MRPL21: variants seen among roughly 807,000 people sequenced by gnomAD.
MRPL21 encodes large ribosomal subunit protein bL21m.
MRPL21 carries 20 observed loss-of-function variants against 27.3 expected under a neutral mutation model. The ratio of observed to expected loss-of-function variants is 0.73; its 90% CI spans 0.52 to 1.06. MRPL21 has a LOEUF of 1.06. Among genes scored for constraint, MRPL21 ranks in the 50% least tolerant of loss-of-function variants. The pLI is 0.00. For synonymous variants in MRPL21, 98 were observed against 101.5 expected, an observed-to-expected ratio of 0.97 and a Z score of 0.21; for missense variants, 249 against 251.4, an observed-to-expected ratio of 0.99 and a Z score of 0.06.
chr11:68,892,812 G>GC lies in MRPL21; in HGVS notation c.553+77dup, dbSNP rs1452787976. ...GGGCTTCCTGTCCCGAGACCCACGTGCCCCACACCCTCCGTCCGCATGCGC... is the reference window on the plus strand; with the variant it reads ...GGGCTTCCTGTCCCGAGACCCACGTGCCCCCACACCCTCCGTCCGCATGCGC... On this transcript the variant is annotated intron_variant, in intron 6 of 6. Coordinates refer to ENST00000362034, the MANE Select transcript of MRPL21 (RefSeq NM_181514.2). The GC allele has an allele frequency of 3.2e-6, 5 of 1,566,112 alleles. No individual in the cohort carries two copies. In the Admixed American group the frequency reaches 9.6e-5, roughly 30 times the overall value.
intron 4 of MRPL21, among the ~76,000 whole-genome samples, chr11:68,894,441 C>T (rs1297812676): frequency 1.3e-5 from 2 of 152,158 alleles, no homozygotes; most frequent in Non-Finnish European, 1.5e-5. Flanking sequence ...CCACAAACCC[C>T]GGCTAATTTT....
In MRPL21 at chr11:68,894,916, A is replaced by G. The variant is rs117099206; in HGVS notation, c.397-1461T>C. On this transcript the variant is annotated intron_variant, in intron 4 of 6. Transcript: ENST00000362034. The stretch of plus-strand genomic sequence containing the variant: ...AAAGAAAACCATGTAACTTATATTG[A>G]TAATTAAGCATCCCAGAAAAATTAC... Among the ~76,000 whole-genome samples, 1,263 of 152,314 alleles carry G rather than the reference A, an allele frequency of 8.3e-3. 13 individuals carry two copies. Among genetic ancestry groups the G allele is most frequent in the South Asian group, 0.03 (145 of 4,826 alleles).
chr11:68,897,599 G>A (rs1857829045), intron 3 of MRPL21: 5 of 339,500 alleles, frequency 1.5e-5, no homozygotes, highest in Non-Finnish European at 2.7e-5. Context: ...GGTGGCACCG[G>A]CTTCCAGTAA....
At chr11:68,897,570 A>T (rs1857828004) in intron 3 of MRPL21, 1 of 290,818 alleles carries the variant, frequency 3.4e-6, no homozygotes, top group Non-Finnish European at 6.5e-6. Context: ...ATACCTCTGC[A>T]TGTTTCTCCA....
rs750734884 is a variant in MRPL21, at chr11:68,897,882, G to A, written c.232+45C>T. The A allele has an allele frequency of 1.2e-5, 17 of 1,455,998 alleles. No homozygotes were observed. The South Asian group carries it at 1.7e-4, about 15-fold the overall frequency. 90.2% of individuals were successfully genotyped at this position (1,455,998 alleles called of 1,614,324 possible). ...AACCTCTGTGGCTGACTGGAGCAGG[G>A]TCTAGGTGGTGCCCTCTAGCTTCTG... On this transcript the variant is annotated intron_variant, in intron 3 of 6. Transcript: ENST00000362034.
chr11:68,900,169 A>C (rs1441597533), intron 2 of MRPL21, among the ~76,000 whole-genome samples: 2 of 152,218 alleles, frequency 1.3e-5, no homozygotes, highest in African/African-American at 2.4e-5. Context: ...TCTGATACAA[A>C]CTTCCTCATC....
At chr11:68,900,060 G>A (rs192300568) in intron 2 of MRPL21, among the ~76,000 whole-genome samples, 3 of 152,302 alleles carry the variant, frequency 2.0e-5, no homozygotes, top group East Asian at 3.9e-4. Context: ...GAACTTTGTC[G>A]AATGTTTTCT....
chr11:68,903,805 T>G lies in MRPL21; in HGVS notation c.6A>C (p.Ala2=). The G allele has an allele frequency of 4.7e-6, 6 of 1,275,714 alleles. No individual in the cohort carries two copies. Among genetic ancestry groups the G allele is most frequent in the Non-Finnish European group, 5.4e-6 (5 of 926,680 alleles). The allele number at this position is 1,275,714 out of a possible 1,614,324, so 79.0% of individuals were successfully genotyped here. ...CTAAGGTGACCGTCAGGGAAGATGC[T>G]GCCATGGCCGCAGCCTCGGCCGGAA... M[A]ASSLTVTLGR... The change falls in exon 1 of 7, where the codon GCA becomes GCC. Residue 2 remains alanine (A), a synonymous_variant. Transcript: ENST00000362034.
At chr11:68,892,684 G>A (rs918901737) in intron 6 of MRPL21, 49 of 1,508,398 alleles carry the variant, frequency 3.2e-5, no homozygotes, top group Middle Eastern at 1.9e-4. Context: ...GTGGGGTCAC[G>A]CGTGGAGCGT....
At chr11:68,902,415 G>T (rs118122654) in intron 1 of MRPL21, among the ~76,000 whole-genome samples, 1 of 152,348 alleles carries the variant, frequency 6.6e-6, no homozygotes, top group East Asian at 1.9e-4. Flanking sequence ...AGGTTCAACA[G>T]TTACCAACTC....
rs368432613 is a variant in MRPL21, at chr11:68,898,025, T to C, written c.147-13A>G. On this transcript the variant is annotated splice_polypyrimidine_tract_variant and intron_variant, in intron 2 of 6. Transcript: ENST00000362034. Reference sequence around the variant, plus strand: ...TTTAGGAACATATCTGTAAAACACATTTCGTAGACAAATGTCACAAGCACC... The same window carrying C: ...TTTAGGAACATATCTGTAAAACACACTTCGTAGACAAATGTCACAAGCACC... 6.2e-7 allele frequency: 1 copy of C among 1,607,186 alleles called. No individual in the cohort carries two copies. Among genetic ancestry groups the C allele is most frequent in the Admixed American group, 1.7e-5 (1 of 59,974 alleles).
At chr11:68,891,608 C>T (rs1261441013) in intron 6 of MRPL21, 4 of 605,988 alleles carry the variant, frequency 6.6e-6, no homozygotes, top group Non-Finnish European at 1.2e-5. Flanking sequence ...CACCAGACGC[C>T]TCATGGCCAG....
intron 1 of MRPL21, among the ~76,000 whole-genome samples, chr11:68,902,240 A>T (rs992835865): frequency 6.6e-6 from 1 of 152,212 alleles, no homozygotes; most frequent in Admixed American, 6.5e-5. Context: ...GTACTTGAAC[A>T]TAGCATTGGA....
intron 4 of MRPL21, among the ~76,000 whole-genome samples, chr11:68,895,614 C>A (rs577883740): frequency 9.9e-5 from 15 of 152,142 alleles, no homozygotes; most frequent in Non-Finnish European, 1.9e-4. Context: ...TGCGCCATTG[C>A]ACTCCAGCCT....
intron 3 of MRPL21, chr11:68,897,687 C>T: frequency 1.8e-6 from 1 of 559,696 alleles, no homozygotes; most frequent in South Asian, 2.3e-5. Flanking sequence ...GCAGGGGCCC[C>T]CTGCCCTCAA....
rs751330905 is a variant in MRPL21 at position 68,893,426 on chromosome 11, C to T, written c.426G>A (p.Thr142=). The change falls in exon 5 of 7, where the codon ACG becomes ACA. Residue 142 remains threonine, a synonymous_variant. Coordinates refer to ENST00000362034, the MANE Select transcript of MRPL21 (RefSeq NM_181514.2). ...KVLLVGADNF[T]LLGKPLLGKD... ...ACCCGAGGAGTGGCTTGCCAAGCAG[C>T]GTGAAGTTGTCTGCCCCAACCAGCA... 11 of 1,614,006 alleles carry T rather than the reference C, an allele frequency of 6.8e-6. No homozygotes were observed. Among genetic ancestry groups the T allele is most frequent in the Admixed American group, 3.3e-5 (2 of 59,984 alleles).
intron 3 of MRPL21, 112 bp downstream of exon 3, chr11:68,897,815 G>T: frequency 1.3e-6 from 1 of 756,852 alleles, no homozygotes; most frequent in South Asian, 1.5e-5. Context: ...CTGTGTCTGG[G>T]AGCATCTGGA....
At position 68,892,653 on chromosome 11, in the gene MRPL21, G is replaced by A. The variant is rs571274705; in HGVS notation, c.553+237C>T. On this transcript the variant is annotated intron_variant, in intron 6 of 6. Coordinates refer to ENST00000362034, the MANE Select transcript of MRPL21 (RefSeq NM_181514.2). ...AGCGAGGTGGGGTCACGTGCGGAGCGTGGAGGAGAAGGGGAGCGAGGTGGG... is the reference window on the plus strand; with the variant it reads ...AGCGAGGTGGGGTCACGTGCGGAGCATGGAGGAGAAGGGGAGCGAGGTGGG... 124 of 1,479,994 alleles carry A rather than the reference G, an allele frequency of 8.4e-5. 1 individual carries two copies. In the South Asian group the frequency reaches 1.5e-3, roughly 18 times the overall value. The allele number at this position is 1,479,994 out of a possible 1,614,324, so 91.7% of individuals were successfully genotyped here.
At position 68,900,605 on chromosome 11, in the gene MRPL21, G is replaced by A. The variant is rs1857912435; in HGVS notation, c.89C>T (p.Ala30Val). 2 of 1,612,680 alleles carry A rather than the reference G, an allele frequency of 1.2e-6. No homozygotes were observed. The highest frequency in any genetic ancestry group is 2.7e-5 in the African/African-American group (2 of 74,894). ...SILRPSGPGA[A>V]SLWSASRRFN... ...CCTTCGAGAAGCAGACCAAAGGGAG[G>A]CTGAGGGAAGAAGAGAAACACAGAT... is the stretch of plus-strand genomic sequence containing the variant. The change falls in exon 2 of 7, where the codon GCC becomes GTC. Residue 30 changes from alanine (A) to valine (V), a missense_variant and splice_region_variant. Coordinates refer to ENST00000362034, the MANE Select transcript of MRPL21 (RefSeq NM_181514.2).
Sources: gnomAD v4.1 joint callset for allele counts (sites outside exome capture counted in the v4.1 genomes callset) on GRCh38, gnomAD v4.1.1 for gene constraint, MANE v1.5 for transcripts, NCBI Gene and HGNC (gene_info 2026-07-23, HGNC 2026-07-21) for gene names.